MMP28: variants seen among roughly 807,000 people sequenced by gnomAD.
MMP28 encodes matrix metallopeptidase 28, also known as matrix metalloproteinase-28.
Under a neutral mutation model 60.5 loss-of-function variants are expected in MMP28, and 55 were observed. That is an observed-to-expected ratio of 0.91 (90% CI 0.73 to 1.14). MMP28 has a LOEUF of 1.14. Ranked by LOEUF, MMP28 falls within the 50% of genes most tolerant of loss-of-function variation. The pLI, the probability that MMP28 is intolerant of heterozygous loss-of-function variation, is 0.00. For missense variants in MMP28, 686 were observed against 738.3 expected, an observed-to-expected ratio of 0.93 and a Z score of 0.82; for synonymous variants, 318 against 312.5, an observed-to-expected ratio of 1.02 and a Z score of -0.18.
downstream of MMP28, among the ~76,000 whole-genome samples, chr17:35,762,424 C>T (rs1392917520): frequency 1.3e-5 from 2 of 152,186 alleles, no homozygotes; most frequent in Non-Finnish European, 2.9e-5. Context: ...TGAATGTTTG[C>T]TGAATGGGCG....
At chr17:35,763,478 G>A (rs2085866187), downstream of MMP28, among the ~76,000 whole-genome samples, 1 of 138,328 alleles carries the variant, frequency 7.2e-6, no homozygotes, top group Non-Finnish European at 1.5e-5. Flanking sequence ...AATAAAAAGA[G>A]TCTGACCTTG....
downstream of MMP28, chr17:35,764,416 C>T (rs954807132): frequency 5.2e-6 from 8 of 1,525,156 alleles, no homozygotes; most frequent in Non-Finnish European, 6.1e-6. Context: ...CGCCTGGTCC[C>T]CGCCGGCAGG....
At chr17:35,788,970 T>G (rs957960048) in intron 1 of MMP28, among the ~76,000 whole-genome samples, 2 of 152,224 alleles carry the variant, frequency 1.3e-5, no homozygotes, top group African/African-American at 2.4e-5. Context: ...TACTTACTAG[T>G]GCTGTGAGCA....
intron 3 of MMP28, among the ~76,000 whole-genome samples, chr17:35,774,766 G>C (rs750273373): frequency 3.3e-5 from 5 of 152,186 alleles, no homozygotes; most frequent in Non-Finnish European, 7.3e-5. Context: ...AACCCTTAAC[G>C]AGGAGAGAGG....
At chr17:35,760,098 T>C (rs1338700597) in intron 2 of MMP28, among the ~76,000 whole-genome samples, 1 of 152,140 alleles carries the variant, frequency 6.6e-6, no homozygotes, top group African/African-American at 2.4e-5. Flanking sequence ...AGGAAGGGAC[T>C]CCATTGCCCT....
chr17:35,779,764 G>A (rs2086444478), intron 1 of MMP28, among the ~76,000 whole-genome samples: 1 of 152,180 alleles, frequency 6.6e-6, no homozygotes, highest in South Asian at 2.1e-4. Flanking sequence ...TTACCTTACA[G>A]GGGTTTTTTT....
chr17:35,793,311 G>T (rs2086869060), intron 1 of MMP28, among the ~76,000 whole-genome samples: 2 of 152,302 alleles, frequency 1.3e-5, no homozygotes, highest in East Asian at 3.9e-4. Flanking sequence ...GCAGAGATAT[G>T]CCTCTGTTCC....
intron 3 of MMP28, 74 bp downstream of exon 3, chr17:35,778,814 C>T (rs1208351511): frequency 1.2e-5 from 19 of 1,612,920 alleles, no homozygotes; most frequent in Non-Finnish European, 1.5e-5. Context: ...CAGTCCCAGG[C>T]TCAGCTGTTT....
chr17:35,792,200 G>A (rs1230180646), intron 1 of MMP28, among the ~76,000 whole-genome samples: 2 of 152,076 alleles, frequency 1.3e-5, no homozygotes, highest in African/African-American at 4.8e-5. Context: ...TGGGGTCTAT[G>A]TTCCCTCCCC....
intron 1 of MMP28, among the ~76,000 whole-genome samples, chr17:35,795,007 T>G (rs1046624489): frequency 6.6e-6 from 1 of 152,344 alleles, no homozygotes; most frequent in African/African-American, 2.4e-5. Context: ...GGATGTCCCC[T>G]CTGGGCTCTT....
intron 3 of MMP28, among the ~76,000 whole-genome samples, chr17:35,777,620 G>C (rs935383715): frequency 1.3e-5 from 2 of 152,220 alleles, no homozygotes; most frequent in South Asian, 2.1e-4. Context: ...AAGTGGCAAT[G>C]GCCCAAAGTG....
In MMP28 at chr17:35,760,831, C is replaced by G. The variant is rs901790228; in HGVS notation, c.266-4412G>C. On this transcript the variant is annotated intron_variant, in intron 2 of 2. Transcript: ENST00000615317. Reference sequence around the variant, plus strand: ...TGGGCAGGTGAGGTTCTAGCCCCACCCCTTGTGACCTAATAGAGGCCCTAG... The same window carrying G: ...TGGGCAGGTGAGGTTCTAGCCCCACGCCTTGTGACCTAATAGAGGCCCTAG... The G allele has an allele frequency of 9.1e-6, 12 of 1,316,888 alleles. No homozygotes were observed. The African/African-American group carries it at 1.7e-4, about 19-fold the overall frequency. 81.6% of individuals were successfully genotyped at this position (1,316,888 alleles called of 1,614,324 possible).
downstream of MMP28, chr17:35,764,263 C>T (rs1555602204): frequency 1.3e-6 from 2 of 1,538,802 alleles, no homozygotes; most frequent in Non-Finnish European, 1.8e-6. Context: ...GCGCGGACAG[C>T]GGCTTCTGGG....
intron 4 of MMP28, among the ~76,000 whole-genome samples, chr17:35,772,745 G>A (rs1453239113): frequency 6.6e-6 from 1 of 152,142 alleles, no homozygotes; most frequent in Non-Finnish European, 1.5e-5. Context: ...CAGGGCTGTC[G>A]GGAGTAGGGT....
Position 35,771,740 on chromosome 17 carries a change from T to A in MMP28, c.605-1428A>T, listed in dbSNP as rs1197233923. Among the ~76,000 whole-genome samples, 36 of 94,008 alleles carry A rather than the reference T, an allele frequency of 3.8e-4. 4 individuals carry two copies. The highest frequency in any genetic ancestry group is 1.3e-3 in the African/African-American group (32 of 24,902). 61.7% of individuals were successfully genotyped at this position (94,008 alleles called of 152,430 possible). ...ATATATATATATATATATATATATATATATATATATATATAAAATTGTGTT... is the reference window on the plus strand; with the variant it reads ...ATATATATATATATATATATATATAAATATATATATATATAAAATTGTGTT... On this transcript the variant is annotated intron_variant, in intron 4 of 7. Coordinates refer to ENST00000605424, the MANE Select transcript of MMP28 (RefSeq NM_024302.5).
intron 1 of MMP28, among the ~76,000 whole-genome samples, chr17:35,792,276 TA>T (rs1239538505): frequency 6.6e-6 from 1 of 151,994 alleles, no homozygotes; most frequent in Non-Finnish European, 1.5e-5. Context: ...TAGTAGGTCA[TA>T]AAAAGGATAT....
downstream of MMP28, among the ~76,000 whole-genome samples, chr17:35,765,569 G>A (rs565271181): frequency 4.6e-5 from 7 of 152,352 alleles, no homozygotes; most frequent in Non-Finnish European, 1.0e-4. Context: ...GCCACCCTCA[G>A]CCTGCAGGGC....
At chr17:35,772,795 G>T (rs530341854) in intron 4 of MMP28, among the ~76,000 whole-genome samples, 1 of 152,254 alleles carries the variant, frequency 6.6e-6, no homozygotes, top group South Asian at 2.1e-4. Flanking sequence ...AGTTGGGGGT[G>T]GGGGAGCAGT....
intron 3 of MMP28, among the ~76,000 whole-genome samples, chr17:35,777,010 G>A (rs1195565912): frequency 6.6e-6 from 1 of 152,250 alleles, no homozygotes; most frequent in Non-Finnish European, 1.5e-5. Flanking sequence ...CAGCCCCGGA[G>A]CTCAGGTCAA....
Sources: allele counts gnomAD v4.1 joint callset (sites outside exome capture counted in the v4.1 genomes callset), GRCh38; gene constraint gnomAD v4.1.1; transcripts MANE v1.5; gene names NCBI Gene and HGNC (gene_info 2026-07-23, HGNC 2026-07-21).